The following LRMDA variants were observed in gnomAD, a reference collection of about 807,000 sequenced individuals.
LRMDA encodes leucine rich melanocyte differentiation associated, also known as leucine-rich melanocyte differentiation-associated protein.
In LRMDA, 18 loss-of-function variants were observed where a neutral mutation model predicts 29.8. That is an observed-to-expected ratio of 0.60 (90% CI 0.42 to 0.90). LRMDA has a LOEUF of 0.90. LRMDA is among the 40% of genes least tolerant of loss of function. The pLI, the probability that LRMDA is intolerant of heterozygous loss-of-function variation, is 0.00. For synonymous variants in LRMDA, 125 were observed against 109.4 expected (o/e 1.14, Z -0.89); for missense variants, 273 against 273.9 (o/e 1.00, Z 0.02).
chr10:75,916,193 T>TGTGTGTGTGTGTGTGG (rs72087365), intron 2 of LRMDA, among the ~76,000 whole-genome samples: 115 of 140,152 alleles, frequency 8.2e-4, no homozygotes, highest in Admixed American at 3.7e-3. Flanking sequence ...TGTGTGTGTG[T>TGTGTGTGTGTGTGTGG]GTGGGTGGGT....
Position 76,058,758 on chromosome 10 carries a change from TC to T in LRMDA, c.492del (p.Phe165SerfsTer2). 6.2e-7 allele frequency: 1 copy of T among 1,613,740 alleles called. No homozygotes were observed. Among genetic ancestry groups the T allele is most frequent in the South Asian group, 1.1e-5 (1 of 91,058 alleles). On this transcript the variant is annotated frameshift_variant, in exon 5 of 7. Transcript: ENST00000611255. LOFTEE classifies it high-confidence loss of function. Reference protein sequence around the residue: ...QEREEALVRGVFMKVVKPKAS... With the variant: ...QEREEALVRGXFMKVVKPKAS... ...CGAGAGGAGGCGTTGGTCAGAGGAG[TC>T]TTCATGAAGGTGGTGAAGCCCAAGG...
chr10:76,373,865 C>G (rs1841485219), intron 6 of LRMDA, among the ~76,000 whole-genome samples: 2 of 152,150 alleles, frequency 1.3e-5, no homozygotes, highest in South Asian at 2.1e-4. Context: ...TCCTGGTTTG[C>G]CTGGGACTGT....
intron 2 of LRMDA, among the ~76,000 whole-genome samples, chr10:75,732,769 C>A (rs772836193): frequency 1.5e-4 from 23 of 152,178 alleles, no homozygotes; most frequent in Non-Finnish European, 2.4e-4. Flanking sequence ...GGATGGCTTA[C>A]TTTTGATAGA....
intron 5 of LRMDA, among the ~76,000 whole-genome samples, chr10:76,143,011 G>A (rs913334525): frequency 6.6e-6 from 1 of 152,108 alleles, no homozygotes; most frequent in African/African-American, 2.4e-5. Flanking sequence ...TCCCTACAAA[G>A]GACATGAACG....
chr10:75,734,676 C>T (rs1003955046), intron 2 of LRMDA, among the ~76,000 whole-genome samples: 5 of 152,212 alleles, frequency 3.3e-5, no homozygotes, highest in East Asian at 1.9e-4. Context: ...GAGGACAGGG[C>T]AGACCTGGAT....
At chr10:76,232,710 G>T (rs1435376784) in intron 5 of LRMDA, among the ~76,000 whole-genome samples, 1 of 152,130 alleles carries the variant, frequency 6.6e-6, no homozygotes, top group Non-Finnish European at 1.5e-5. Flanking sequence ...TTGCACCCAA[G>T]AAAAATAAGG....
chr10:75,533,217 A>C (rs1845498312), intron 2 of LRMDA, among the ~76,000 whole-genome samples: 1 of 152,260 alleles, frequency 6.6e-6, no homozygotes, highest in Non-Finnish European at 1.5e-5. Flanking sequence ...GAGTTGGACT[A>C]CATAAAAGTT....
intron 2 of LRMDA, among the ~76,000 whole-genome samples, chr10:75,495,245 C>T (rs1213714364): frequency 1.3e-5 from 2 of 151,972 alleles, no homozygotes; most frequent in Admixed American, 6.6e-5. Context: ...TCTCCTTCTC[C>T]CTCTCTCCCT....
chr10:76,290,270 A>C (rs1482673677), intron 5 of LRMDA, among the ~76,000 whole-genome samples: 1 of 152,132 alleles, frequency 6.6e-6, no homozygotes, highest in Non-Finnish European at 1.5e-5. Context: ...ATATTTCCCA[A>C]AATGCTCAAT....
At chr10:75,910,902 G>A (rs563627120) in intron 2 of LRMDA, among the ~76,000 whole-genome samples, 1 of 152,310 alleles carries the variant, frequency 6.6e-6, no homozygotes, top group East Asian at 1.9e-4. Context: ...GTGCGAGACA[G>A]GGTGCAGGAT....
intron 2 of LRMDA, among the ~76,000 whole-genome samples, chr10:75,758,638 T>C (rs1564560301): frequency 6.6e-6 from 1 of 152,212 alleles, no homozygotes; most frequent in Non-Finnish European, 1.5e-5. Flanking sequence ...AATTATTACT[T>C]TTATTATCTA....
intron 2 of LRMDA, among the ~76,000 whole-genome samples, chr10:75,780,251 G>A (rs1359746797): frequency 6.6e-6 from 1 of 152,098 alleles, no homozygotes; most frequent in African/African-American, 2.4e-5. Context: ...AGCTAGTATG[G>A]GAGATCTATA....
chr10:76,252,250 T>C (rs1852499532), intron 5 of LRMDA, among the ~76,000 whole-genome samples: 1 of 152,144 alleles, frequency 6.6e-6, no homozygotes, highest in African/African-American at 2.4e-5. Context: ...GAGCCTAGTT[T>C]ATAAAGCTGC....
chr10:75,524,498 A>G (rs1196808599), intron 2 of LRMDA, among the ~76,000 whole-genome samples: 1 of 152,156 alleles, frequency 6.6e-6, no homozygotes, highest in African/African-American at 2.4e-5. Context: ...GAATATTTAC[A>G]AAACACCTAA....
At chr10:76,510,073 G>GT (rs931551628) in intron 6 of LRMDA, among the ~76,000 whole-genome samples, 2 of 152,018 alleles carry the variant, frequency 1.3e-5, no homozygotes, top group African/African-American at 4.8e-5. Context: ...GTTGTTGTTT[G>GT]TTTGTTGTTT....
At chr10:76,238,518 G>A (rs749187717) in intron 5 of LRMDA, among the ~76,000 whole-genome samples, 11 of 149,014 alleles carry the variant, frequency 7.4e-5, no homozygotes, top group Non-Finnish European at 8.9e-5. Context: ...CTCCTCAGGT[G>A]TCTATTGCAT....
chr10:76,190,653 A>G (rs1203269404), intron 5 of LRMDA, among the ~76,000 whole-genome samples: 1 of 152,108 alleles, frequency 6.6e-6, no homozygotes, highest in African/African-American at 2.4e-5. Flanking sequence ...ATCAGATCTG[A>G]ATGTTGGTGG....
At chr10:76,253,950 A>G (rs529357555) in intron 5 of LRMDA, among the ~76,000 whole-genome samples, 1 of 152,326 alleles carries the variant, frequency 6.6e-6, no homozygotes, top group South Asian at 2.1e-4. Flanking sequence ...ATGATGGAGA[A>G]AATAATGACA....
At chr10:75,439,998 T>A (rs1844309690) in intron 2 of LRMDA, among the ~76,000 whole-genome samples, 1 of 151,172 alleles carries the variant, frequency 6.6e-6, no homozygotes. Flanking sequence ...GGGAGCCGGA[T>A]GTGGATTTGA....
Sources: allele counts gnomAD v4.1 joint callset (sites outside exome capture counted in the v4.1 genomes callset), GRCh38; gene constraint gnomAD v4.1.1; transcripts MANE v1.5; gene names NCBI Gene and HGNC (gene_info 2026-07-23, HGNC 2026-07-21).